The following ZNF555 variants were observed in gnomAD, a reference collection of about 807,000 sequenced individuals.
The protein encoded by ZNF555 is zinc finger protein 555.
In ZNF555, 10 loss-of-function variants were observed where a neutral mutation model predicts 14.0. That is an observed-to-expected ratio of 0.72 (90% confidence interval 0.44 to 1.21). ZNF555 has a LOEUF of 1.21. Ranked by LOEUF, ZNF555 falls within the 50% of genes most tolerant of loss-of-function variation. The pLI is 0.00. For synonymous variants in ZNF555, 277 were observed against 262.4 expected, an observed-to-expected ratio of 1.06 and a Z score of -0.54; for missense variants, 747 against 762.0, an observed-to-expected ratio of 0.98 and a Z score of 0.23.
intron 1 of ZNF555, among the ~76,000 whole-genome samples, chr19:2,844,546 G>T (rs1382438177): frequency 1.3e-5 from 2 of 152,222 alleles, no homozygotes; most frequent in Non-Finnish European, 2.9e-5. Context: ...CAACCAGGGT[G>T]TTTTAAAATT....
Position 2,855,033 on chromosome 19 carries a change from G to C in ZNF555, c.*1081G>C, listed in dbSNP as rs896003953. 5.3e-5 allele frequency: 8 copies of C among 152,140 alleles called. No homozygotes were observed. Among genetic ancestry groups the C allele is most frequent in the African/African-American group, 1.9e-4 (8 of 41,438 alleles). 9.4% of individuals were successfully genotyped at this position (152,140 alleles called of 1,614,324 possible). A position where few individuals can be genotyped will look rare whatever the true frequency, so the allele number is the denominator to read the frequency against. On this transcript the variant is annotated 3_prime_UTR_variant, in exon 4 of 4. Transcript: ENST00000334241. ...CTGATTCCACCACGAAAGCCACAGTGTTGCAGTCAAAGAAGAAAAACAACA... is the reference window on the plus strand; with the variant it reads ...CTGATTCCACCACGAAAGCCACAGTCTTGCAGTCAAAGAAGAAAAACAACA...
chr19:2,848,146 GTTTTC>G (rs1217726496), intron 1 of ZNF555, among the ~76,000 whole-genome samples: 3 of 146,944 alleles, frequency 2.0e-5, no homozygotes, highest in African/African-American at 4.9e-5. Flanking sequence ...GCTGCTCTTT[GTTTTC>G]TTTTCTTTTT....
At chr19:2,851,065 C>G (rs1006312650) in intron 2 of ZNF555, among the ~76,000 whole-genome samples, 5 of 145,526 alleles carry the variant, frequency 3.4e-5, no homozygotes, top group Non-Finnish European at 7.4e-5. Flanking sequence ...GTGGTGTGAT[C>G]TCGACTCACT....
At chr19:2,843,080 G>GA (rs920912142) in intron 1 of ZNF555, among the ~76,000 whole-genome samples, 4 of 152,128 alleles carry the variant, frequency 2.6e-5, no homozygotes, top group African/African-American at 9.6e-5. Context: ...TGAATTTCAG[G>GA]AAAAAAATTA....
chr19:2,846,680 C>T (rs965235141), intron 1 of ZNF555, among the ~76,000 whole-genome samples: 3 of 152,122 alleles, frequency 2.0e-5, no homozygotes, highest in Admixed American at 1.3e-4. Context: ...CATAAAACAC[C>T]GAAGGCTTTG....
rs746390201 is a variant in ZNF555, at chr19:2,852,781, A to C, written c.716A>C (p.Asp239Ala). 1 of 1,613,992 alleles carries C rather than the reference A, an allele frequency of 6.2e-7. No homozygotes were observed. The highest frequency in any genetic ancestry group is 8.5e-7 in the Non-Finnish European group (1 of 1,179,996). ...AAGCAATGTGGGAAAGCCTTTATTG[A>C]CTTCTCAAGTCTTACTAGTCATCTC... ...ECKQCGKAFI[D>A]FSSLTSHLRS... Residue 239 changes from aspartate (D) to alanine (A), a missense_variant, in exon 4 of 4, where the codon GAC becomes GCC. Physicochemically the swap from Asp to Ala is moderately radical, Grantham distance 126. Coordinates refer to ENST00000334241, the MANE Select transcript of ZNF555 (RefSeq NM_152791.5).
At position 2,859,797 on chromosome 19, in the gene ZNF555, G is replaced by A. The variant is rs976600195; in HGVS notation, c.*5845G>A. The A allele has an allele frequency of 2.0e-5, 3 of 152,294 alleles. No homozygotes were observed. Among genetic ancestry groups the A allele is most frequent in the African/African-American group, 7.2e-5 (3 of 41,444 alleles). 9.4% of individuals were successfully genotyped at this position (152,294 alleles called of 1,614,324 possible). On this transcript the variant is annotated 3_prime_UTR_variant, in exon 4 of 4. Transcript: ENST00000334241. ...TCTCCTCCTTCCACAAGGGATGGAT[G>A]TGAAGACAACTCATTCTTTGATGTT...
In ZNF555 at chr19:2,853,337, T is replaced by C. The variant is rs1178990743; in HGVS notation, c.1272T>C (p.Tyr424=). 1 of 1,614,044 alleles carries C rather than the reference T, an allele frequency of 6.2e-7. No individual in the cohort carries two copies. Among genetic ancestry groups the C allele is most frequent in the South Asian group, 1.1e-5 (1 of 91,080 alleles). Residue 424 remains tyrosine, a synonymous_variant, in exon 4 of 4, where the codon TAT becomes TAC. Coordinates refer to ENST00000334241, the MANE Select transcript of ZNF555 (RefSeq NM_152791.5). The stretch of plus-strand genomic sequence containing the variant: ...GGGTGCACACTGGAGAGAAACCCTA[T>C]GAGTGCAAGCAATGTGGGAAAACTT... ...HMRVHTGEKP[Y]ECKQCGKTFN... is the part of the protein sequence containing the mutation.
At position 2,854,989 on chromosome 19, in the gene ZNF555, T is replaced by G. The variant is rs984505132; in HGVS notation, c.*1037T>G. The G allele has an allele frequency of 2.6e-5, 4 of 152,190 alleles. No individual in the cohort carries two copies. The highest frequency in any genetic ancestry group is 6.5e-5 in the Admixed American group (1 of 15,278). The allele number at this position is 152,190 out of a possible 1,614,324, so 9.4% of individuals were successfully genotyped here. ...AGTGAACACCTTGTTATCTTAATAC[T>G]TCCAGTGGCTCTGTGATCCTGATTC... On this transcript the variant is annotated 3_prime_UTR_variant, in exon 4 of 4. Coordinates refer to ENST00000334241, the MANE Select transcript of ZNF555 (RefSeq NM_152791.5).
chr19:2,841,668 G>C, intron 1 of ZNF555, 93 bp downstream of exon 1: 1 of 1,364,474 alleles, frequency 7.3e-7, no homozygotes, highest in Non-Finnish European at 9.5e-7. Context: ...GGGACGCGGG[G>C]GGCGGCCCCG....
At position 2,853,304 on chromosome 19, in the gene ZNF555, A is replaced by T; in HGVS notation, c.1239A>T (p.Gly413=). Residue 413 remains glycine, a synonymous_variant, in exon 4 of 4, where the codon GGA becomes GGT. Coordinates refer to ENST00000334241, the MANE Select transcript of ZNF555 (RefSeq NM_152791.5). The stretch of plus-strand genomic sequence containing the variant: ...TCAGTCACCCCTCCTCCTTTCGAGG[A>T]CACATGAGGGTGCACACTGGAGAGA... ...KAFSHPSSFR[G]HMRVHTGEKP... 6.2e-7 allele frequency: 1 copy of T among 1,614,164 alleles called. No individual in the cohort carries two copies. Among genetic ancestry groups the T allele is most frequent in the Non-Finnish European group, 8.5e-7 (1 of 1,180,010 alleles).
chr19:2,848,032 C>T (rs2087596388), intron 1 of ZNF555, among the ~76,000 whole-genome samples: 1 of 152,154 alleles, frequency 6.6e-6, no homozygotes, highest in Non-Finnish European at 1.5e-5. Flanking sequence ...CTTTCTTTTC[C>T]CTCCCAATGC....
rs760531344 is a variant in ZNF555, at chr19:2,853,984, G to A, written c.*32G>A. 44 of 1,610,132 alleles carry A rather than the reference G, an allele frequency of 2.7e-5. No homozygotes were observed. The highest frequency in any genetic ancestry group is 3.6e-5 in the Non-Finnish European group (43 of 1,179,192). On this transcript the variant is annotated 3_prime_UTR_variant, in exon 4 of 4. Transcript: ENST00000334241. ...TATCCTGAAAGTGGACACTCAAGGA[G>A]TGTGTCTGTAGTTCATTTGCAAATA... is the stretch of plus-strand genomic sequence containing the variant.
At position 2,852,545 on chromosome 19, in the gene ZNF555, G is replaced by T; in HGVS notation, c.480G>T (p.Lys160Asn). 6.2e-7 allele frequency: 1 copy of T among 1,614,066 alleles called. No homozygotes were observed. Among genetic ancestry groups the T allele is most frequent in the East Asian group, 2.2e-5 (1 of 44,884 alleles). ...KVFMHRRTSL[K>N]SPITVHTGHK... ...TCATGCATCGCCGCACATCCCTCAA[G>T]AGTCCCATCACAGTTCACACTGGAC... Residue 160 changes from lysine (K) to asparagine (N), a missense_variant, in exon 4 of 4, where the codon AAG becomes AAT. Physicochemically the swap from Lys to Asn is moderately conservative, Grantham distance 94 (BLOSUM62 0). Coordinates refer to ENST00000334241, the MANE Select transcript of ZNF555 (RefSeq NM_152791.5).
intron 3 of ZNF555, among the ~76,000 whole-genome samples, chr19:2,852,044 G>A (rs751743961): frequency 7.9e-5 from 12 of 152,004 alleles, no homozygotes; most frequent in South Asian, 2.1e-4. Context: ...CCAGCTACTC[G>A]GGAGGCTGAG....
chr19:2,855,136 TTAGA>T lies in ZNF555; in HGVS notation c.*1186_*1189del, dbSNP rs1290841213. ...TGAGAACAAATACCTTCCTCATATATTAGATTTAGGGAGATTTCTGTTACTCAGA... is the reference window on the plus strand; with the variant it reads ...TGAGAACAAATACCTTCCTCATATATTTTAGGGAGATTTCTGTTACTCAGA... On this transcript the variant is annotated 3_prime_UTR_variant, in exon 4 of 4. Coordinates refer to ENST00000334241, the MANE Select transcript of ZNF555 (RefSeq NM_152791.5). 1 of 152,218 alleles carries T rather than the reference TTAGA, an allele frequency of 6.6e-6. No individual in the cohort carries two copies. The highest frequency in any genetic ancestry group is 2.4e-5 in the African/African-American group (1 of 41,458). 9.4% of individuals were successfully genotyped at this position (152,218 alleles called of 1,614,324 possible).
In ZNF555 at chr19:2,853,388, A is replaced by C; in HGVS notation, c.1323A>C (p.Lys441Asn). 6.2e-7 allele frequency: 1 copy of C among 1,614,038 alleles called. No individual in the cohort carries two copies. The highest frequency in any genetic ancestry group is 1.1e-5 in the South Asian group (1 of 91,074). ...TCAATTGGCCCATATCTTTACGAAA[A>C]CATATGAGAACACATACTAGAGAGA... The part of the protein sequence containing the change: ...KTFNWPISLR[K>N]HMRTHTREKP... The change falls in exon 4 of 4, where the codon AAA becomes AAC. Residue 441 changes from lysine (K) to asparagine (N), a missense_variant. Transcript: ENST00000334241.
At chr19:2,851,138 C>T (rs373111303) in intron 2 of ZNF555, among the ~76,000 whole-genome samples, 2 of 151,836 alleles carry the variant, frequency 1.3e-5, no homozygotes, top group East Asian at 3.9e-4. Context: ...GCTGGGATTA[C>T]AGGCGAGCGC....
chr19:2,845,046 G>T (rs549357793), intron 1 of ZNF555, among the ~76,000 whole-genome samples: 7 of 152,066 alleles, frequency 4.6e-5, no homozygotes, highest in African/African-American at 2.4e-5. Context: ...GCTGAGATTT[G>T]GGCTTCCATT....
Sources: gnomAD v4.1 joint callset for allele counts (sites outside exome capture counted in the v4.1 genomes callset) on GRCh38, gnomAD v4.1.1 for gene constraint, MANE v1.5 for transcripts, NCBI Gene and HGNC (gene_info 2026-07-23, HGNC 2026-07-21) for gene names.